CEP135: variants seen among roughly 807,000 people sequenced by gnomAD.
CEP135 encodes the protein centrosomal protein 135.
A neutral mutation model predicts 157.3 loss-of-function variants in CEP135; 142 were observed. The ratio of observed to expected loss-of-function variants is 0.90; its 90% CI spans 0.79 to 1.04. The LOEUF (loss-of-function observed/expected upper bound fraction) is 1.04. Ranked by LOEUF, CEP135 falls within the 50% of genes least tolerant of loss-of-function variation. The pLI is 0.00. For missense variants in CEP135, 1,317 were observed against 1,309.2 expected, an observed-to-expected ratio of 1.01 and a Z score of -0.09; for synonymous variants, 396 against 439.8, an observed-to-expected ratio of 0.90 and a Z score of 1.25.
chr4:56,011,646 A>G (rs1350296909), intron 20 of CEP135, 124 bp downstream of exon 20: 5 of 969,696 alleles, frequency 5.2e-6, no homozygotes, highest in African/African-American at 5.1e-5. Flanking sequence ...GCCTTTTTCT[A>G]TTTTTCCCAT....
Position 55,999,635 on chromosome 4 carries a change from T to C in CEP135, c.2270T>C (p.Leu757Pro), listed in dbSNP as rs1447547048. 10 of 1,588,914 alleles carry C rather than the reference T, an allele frequency of 6.3e-6. No homozygotes were observed. Among genetic ancestry groups the C allele is most frequent in the Non-Finnish European group, 8.5e-6 (10 of 1,174,286 alleles). The change falls in exon 17 of 26, where the codon CTA (leucine) becomes CCA (proline). Residue 757 changes from leucine (L) to proline (P), a missense_variant. Leu to Pro is a moderately conservative substitution (Grantham distance 98, BLOSUM62 -3). Coordinates refer to ENST00000257287, the MANE Select transcript of CEP135 (RefSeq NM_025009.5). Reference protein sequence around the residue: ...TEKIANLQENLANKEKAVAQM... With the variant: ...TEKIANLQENPANKEKAVAQM... ...AAGATTGCAAATTTGCAAGAAAACC[T>C]AGCTAATAAAGTATGTGATCGTTTA... is the stretch of plus-strand genomic sequence containing the variant.
At chr4:55,965,233 A>G (rs1443355935) in intron 7 of CEP135, 2 of 152,562 alleles carry the variant, frequency 1.3e-5, no homozygotes, top group South Asian at 4.1e-4. Flanking sequence ...TTTTGTTTGT[A>G]TTATCTTTGA....
chr4:55,996,382 A>G (rs993774293), intron 15 of CEP135, among the ~76,000 whole-genome samples: 5 of 152,178 alleles, frequency 3.3e-5, no homozygotes, highest in South Asian at 2.1e-4. Context: ...AGATAAGCCA[A>G]AGAAGACTCA....
At chr4:55,951,165 G>A (rs1360185179) in intron 1 of CEP135, among the ~76,000 whole-genome samples, 1 of 152,132 alleles carries the variant, frequency 6.6e-6, no homozygotes, top group African/African-American at 2.4e-5. Flanking sequence ...GTTGATGGGG[G>A]TTTAGGTTGT....
chr4:56,017,650 C>CATAA lies in CEP135; in HGVS notation c.2808_2811dup (p.Ala938LysfsTer7), dbSNP rs1560424216. The stretch of plus-strand genomic sequence containing the variant: ...CTTGTTTCTTTTTCTTTTTTCAGCA[C>CATAA]ATAAATGCCCATCATGCTTATGAAT... On this transcript the variant is annotated frameshift_variant, in exon 22 of 26. Coordinates refer to ENST00000257287, the MANE Select transcript of CEP135 (RefSeq NM_025009.5). LOFTEE classifies it high-confidence loss of function. The CATAA allele has an allele frequency of 6.3e-7, 1 of 1,587,288 alleles. No homozygotes were observed. Among genetic ancestry groups the CATAA allele is most frequent in the African/African-American group, 1.4e-5 (1 of 73,900 alleles).
chr4:56,008,825 C>T (rs538361252), intron 18 of CEP135, among the ~76,000 whole-genome samples: 1 of 152,216 alleles, frequency 6.6e-6, no homozygotes, highest in Non-Finnish European at 1.5e-5. Flanking sequence ...TTTTACATAC[C>T]CTTAACATTT....
chr4:55,958,641 CAG>C (rs1263644415), intron 5 of CEP135, among the ~76,000 whole-genome samples: 2 of 152,086 alleles, frequency 1.3e-5, no homozygotes, highest in South Asian at 2.1e-4. Flanking sequence ...TGTTTGTATT[CAG>C]AGTCATTCAT....
chr4:55,960,694 G>T (rs1409520804), intron 6 of CEP135: 2 of 152,040 alleles, frequency 1.3e-5, no homozygotes, highest in African/African-American at 4.8e-5. Flanking sequence ...GGAGGCCGAG[G>T]CGGGTGGATC....
intron 1 of CEP135, among the ~76,000 whole-genome samples, chr4:55,949,626 A>G (rs1728293786): frequency 6.6e-6 from 1 of 152,228 alleles, no homozygotes; most frequent in Non-Finnish European, 1.5e-5. Context: ...GCACACATAC[A>G]TACAGCATTA....
intron 15 of CEP135, among the ~76,000 whole-genome samples, chr4:55,995,691 A>G (rs778675266): frequency 2.0e-5 from 3 of 152,202 alleles, no homozygotes; most frequent in Admixed American, 6.5e-5. Flanking sequence ...TTAAACATGT[A>G]AAAACCATTT....
In CEP135 at chr4:55,961,632, C is replaced by T. The variant is rs190796150; in HGVS notation, c.699+1866C>T. ...ATACAAAATTAGCCGGGTGTGGTGG[C>T]GCATTCCTGTAATCCCAGCTACTTG... On this transcript the variant is annotated intron_variant, in intron 6 of 25. Transcript: ENST00000257287. 3.0e-3 allele frequency among the ~76,000 whole-genome samples: 450 copies of T among 151,568 alleles called. 7 individuals are homozygous for T. Among genetic ancestry groups the T allele is most frequent in the Middle Eastern group, 0.014 (4 of 294 alleles).
chr4:56,019,971 C>T (rs1266554270), intron 23 of CEP135, among the ~76,000 whole-genome samples: 1 of 152,086 alleles, frequency 6.6e-6, no homozygotes, highest in Non-Finnish European at 1.5e-5. Context: ...ACATCTGCTG[C>T]TTTTGGAAAT....
chr4:56,005,397 G>T (rs71601611), intron 17 of CEP135, among the ~76,000 whole-genome samples: 9 of 152,186 alleles, frequency 5.9e-5, no homozygotes, highest in African/African-American at 2.2e-4. Context: ...TACACTTCAA[G>T]TCTGGGTGAC....
At position 55,992,012 on chromosome 4, in the gene CEP135, A is replaced by G. The variant is rs763261926; in HGVS notation, c.1936A>G (p.Lys646Glu). 16 of 1,609,470 alleles carry G rather than the reference A, an allele frequency of 9.9e-6. No homozygotes were observed. Among genetic ancestry groups the G allele is most frequent in the South Asian group, 2.2e-5 (2 of 90,012 alleles). Reference sequence around the variant, plus strand: ...AATAGAGTCGTTAGAGAACAAATTAAAAGTCCAAGCTCAAAAATTTAGCCA... The same window carrying G: ...AATAGAGTCGTTAGAGAACAAATTAGAAGTCCAAGCTCAAAAATTTAGCCA... ...ETIESLENKL[K>E]VQAQKFSHVA... Residue 646 changes from lysine to glutamate, a missense_variant, in exon 15 of 26, where the codon AAA becomes GAA. Transcript: ENST00000257287.
At chr4:56,011,551 A>G (rs911941030) in intron 20 of CEP135, 29 bp downstream of exon 20, 1 of 1,481,478 alleles carries the variant, frequency 6.8e-7, no homozygotes, top group Non-Finnish European at 9.2e-7. Flanking sequence ...GTTGGATTTA[A>G]GACTGAGGTT....
intron 17 of CEP135, 107 bp downstream of exon 17, chr4:55,999,752 GCA>G: frequency 1.2e-5 from 14 of 1,142,360 alleles, no homozygotes; most frequent in South Asian, 3.1e-5. Context: ...GAGTGCAGTG[GCA>G]TGATCACAGC....
intron 22 of CEP135, among the ~76,000 whole-genome samples, chr4:56,018,871 A>G (rs757875557): frequency 1.1e-4 from 16 of 152,238 alleles, no homozygotes; most frequent in Admixed American, 9.8e-4. Context: ...AAACAAGTCT[A>G]TTTAGCTAGA....
chr4:56,016,940 T>C (rs1357854781), intron 21 of CEP135, among the ~76,000 whole-genome samples: 2 of 152,098 alleles, frequency 1.3e-5, no homozygotes, highest in Non-Finnish European at 2.9e-5. Context: ...TCCCAGAGTG[T>C]TGGGGTTGCA....
chr4:56,010,917 A>G (rs1047435281), intron 19 of CEP135, among the ~76,000 whole-genome samples: 1 of 152,156 alleles, frequency 6.6e-6, no homozygotes, highest in African/African-American at 2.4e-5. Flanking sequence ...ATTATGGGAA[A>G]TGTGTGATAA....
Sources: gnomAD v4.1 joint callset for allele counts (sites outside exome capture counted in the v4.1 genomes callset) on GRCh38, gnomAD v4.1.1 for gene constraint, MANE v1.5 for transcripts, NCBI Gene and HGNC (gene_info 2026-07-23, HGNC 2026-07-21) for gene names.